EDA: variants seen among roughly 807,000 people sequenced by gnomAD.
EDA encodes ectodysplasin-A.
Under a neutral mutation model 23.6 loss-of-function variants are expected in EDA, and 2 were observed. The observed-to-expected ratio is 0.08, with a 90% CI of 0.03 to 0.27. The LOEUF is 0.27. Among genes scored for constraint, EDA ranks in the 10% least tolerant of loss-of-function variants. The pLI is 1.00. For synonymous variants in EDA, 131 were observed against 132.0 expected (o/e 0.99, Z 0.05); for missense variants, 229 against 324.2 (o/e 0.71, Z 2.26).
intron 1 of EDA, among the ~76,000 whole-genome samples, chrX:69,676,509 C>T (rs181971842): frequency 0.014 from 1,555 of 108,167 alleles, 20 homozygotes; most frequent in African/African-American, 0.049. Context: ...TGTGCGCGCG[C>T]GCACGTGTGC....
At chrX:69,978,517 A>T (rs6624453) in intron 2 of EDA, among the ~76,000 whole-genome samples, 7 of 103,280 alleles carry the variant, frequency 6.8e-5, no homozygotes, top group Admixed American at 1.1e-4. Flanking sequence ...AAAAAAAAAA[A>T]AAAGAAAGAA....
At chrX:69,770,011 G>A (rs976726758) in intron 1 of EDA, among the ~76,000 whole-genome samples, 3 of 111,530 alleles carry the variant, frequency 2.7e-5, no homozygotes, top group East Asian at 2.8e-4. Flanking sequence ...GAATCATAGC[G>A]TATGTATGTC....
Position 69,754,146 on chromosome X carries a change from T to C in EDA, c.396+137442T>C, listed in dbSNP as rs751222624. Among the ~76,000 whole-genome samples, 78 of 112,265 alleles carry C rather than the reference T, an allele frequency of 6.9e-4. 1 individual carries two copies. The highest frequency in any genetic ancestry group is 1.9e-3 in the South Asian group (5 of 2,660). ...GCTGGTTATTTTGCTTGTTAGTTGA[T>C]GCACTTTCTTCCTAGCATTGATGGT... On this transcript the variant is annotated intron_variant, in intron 1 of 7. Transcript: ENST00000374552.
chrX:69,858,474 T>A (rs899671165), intron 1 of EDA, among the ~76,000 whole-genome samples: 12 of 112,170 alleles, frequency 1.1e-4, no homozygotes, highest in Non-Finnish European at 2.3e-4. Flanking sequence ...CTTTTCTGTA[T>A]CTATTGTGAT....
chrX:69,766,264 AG>A (rs2014466443), intron 1 of EDA, among the ~76,000 whole-genome samples: 1 of 111,134 alleles, frequency 9.0e-6, no homozygotes, highest in Non-Finnish European at 1.9e-5. Flanking sequence ...ATTTTTTTGT[AG>A]GGGGGAAGTA....
intron 2 of EDA, among the ~76,000 whole-genome samples, chrX:69,962,678 G>A (rs935911911): frequency 6.3e-5 from 7 of 111,268 alleles, no homozygotes; most frequent in Non-Finnish European, 9.4e-5. Flanking sequence ...TGATCCTCAC[G>A]CCTCGGCCTC....
chrX:69,678,470 C>T (rs1934194341), intron 1 of EDA, among the ~76,000 whole-genome samples: 1 of 111,658 alleles, frequency 9.0e-6, no homozygotes, highest in Non-Finnish European at 1.9e-5. Context: ...AATGTTCTTC[C>T]ATTTGTTTGT....
intron 1 of EDA, among the ~76,000 whole-genome samples, chrX:69,755,047 C>T (rs1410841388): frequency 8.9e-6 from 1 of 112,244 alleles, no homozygotes; most frequent in Non-Finnish European, 1.9e-5. Flanking sequence ...CATCTGAAGC[C>T]TTCTTCTCTC....
intron 1 of EDA, among the ~76,000 whole-genome samples, chrX:69,882,287 A>T (rs2017759880): frequency 9.0e-6 from 1 of 111,371 alleles, no homozygotes; most frequent in African/African-American, 3.3e-5. Flanking sequence ...ACAGAGCATG[A>T]CTCATGTCTA....
intron 1 of EDA, among the ~76,000 whole-genome samples, chrX:69,935,934 A>G (rs1450680318): frequency 1.8e-5 from 2 of 108,577 alleles, no homozygotes; most frequent in Non-Finnish European, 3.8e-5. Context: ...CTCAAGCATC[A>G]AAATGTTATA....
At chrX:69,828,447 G>T (rs5936768) in intron 1 of EDA, among the ~76,000 whole-genome samples, 23,838 of 111,071 alleles carry the variant, frequency 0.21, 1,918 homozygotes, top group East Asian at 0.26. Context: ...TATTCGGGTG[G>T]GAGTGACCCG....
At chrX:69,762,456 G>A (rs1036536236) in intron 1 of EDA, among the ~76,000 whole-genome samples, 12 of 111,178 alleles carry the variant, frequency 1.1e-4, no homozygotes, top group African/African-American at 3.6e-4. Context: ...GACTATCCAC[G>A]CGGCATTGTT....
At chrX:70,004,518 A>G (rs1329837556) in intron 2 of EDA, among the ~76,000 whole-genome samples, 1 of 112,325 alleles carries the variant, frequency 8.9e-6, no homozygotes, top group Non-Finnish European at 1.9e-5. Flanking sequence ...AATGGCTTCT[A>G]TCTTCTTCAT....
At chrX:69,896,175 C>G (rs768395784) in intron 1 of EDA, among the ~76,000 whole-genome samples, 36 of 111,339 alleles carry the variant, frequency 3.2e-4, no homozygotes, top group African/African-American at 9.1e-4. Context: ...TTTCTGATAT[C>G]TCTCTGTAGA....
intron 1 of EDA, among the ~76,000 whole-genome samples, chrX:69,783,529 T>A (rs78267632): frequency 0.3 from 31,596 of 104,089 alleles, 4,670 homozygotes; most frequent in Middle Eastern, 0.53. Context: ...TGAGTGAGAA[T>A]ATGCAGTCTT....
intron 1 of EDA, among the ~76,000 whole-genome samples, chrX:69,833,736 A>G (rs1471351041): frequency 9.0e-6 from 1 of 111,075 alleles, no homozygotes; most frequent in Non-Finnish European, 1.9e-5. Context: ...TTATTGGTCT[A>G]TTCAGAGATT....
intron 1 of EDA, among the ~76,000 whole-genome samples, chrX:69,821,396 TTAAAA>T (rs758561942): frequency 9.1e-6 from 1 of 110,352 alleles, no homozygotes; most frequent in Non-Finnish European, 1.9e-5. Context: ...GCCCCTAAAC[TTAAAA>T]TAAAAGCTGA....
chrX:69,712,435 A>G (rs2012101511), intron 1 of EDA, among the ~76,000 whole-genome samples: 1 of 111,909 alleles, frequency 8.9e-6, no homozygotes, highest in South Asian at 3.8e-4. Context: ...GAAGACATTT[A>G]TGCAGCCAAA....
chrX:69,965,663 A>T (rs1250325616), intron 2 of EDA, among the ~76,000 whole-genome samples: 1 of 112,364 alleles, frequency 8.9e-6, no homozygotes, highest in African/African-American at 3.2e-5. Flanking sequence ...CTGAGGAAGA[A>T]AACTGAGTGT....
Sources: gnomAD v4.1 joint callset for allele counts (sites outside exome capture counted in the v4.1 genomes callset) on GRCh38, gnomAD v4.1.1 for gene constraint, MANE v1.5 for transcripts, NCBI Gene and HGNC (gene_info 2026-07-23, HGNC 2026-07-21) for gene names.